The following KCNK10 variants were observed in gnomAD, a reference collection of about 807,000 sequenced individuals.
KCNK10 encodes the protein potassium channel subfamily K member 10.
In KCNK10, 25 loss-of-function variants were observed where a neutral mutation model predicts 47.7. The observed-to-expected ratio is 0.52, with a 90% CI of 0.38 to 0.73. The LOEUF (loss-of-function observed/expected upper bound fraction) is 0.73, where lower values mean the gene tolerates loss of function less well. KCNK10 is among the 30% of genes least tolerant of loss of function. The probability of loss-of-function intolerance (pLI) is 0.00; values close to 1 mark genes in which losing one functional copy is unlikely to be tolerated. For missense variants in KCNK10, 563 were observed against 714.5 expected (o/e 0.79, Z 2.42); for synonymous variants, 303 against 285.6 (o/e 1.06, Z -0.61).
At chr14:88,325,873 T>G (rs10130603), upstream of KCNK10, among the ~76,000 whole-genome samples, 25,695 of 151,490 alleles carry the variant, frequency 0.17, 2,747 homozygotes, top group African/African-American at 0.3. Context: ...AGGTCCCCAT[T>G]AAAAGTTATT....
intron 3 of KCNK10, among the ~76,000 whole-genome samples, chr14:88,240,184 A>C (rs57391351): frequency 6.6e-6 from 1 of 152,094 alleles, no homozygotes; most frequent in Non-Finnish European, 1.5e-5. Flanking sequence ...CCACAATGGA[A>C]AGTCAAAAAA....
chr14:88,279,171 C>T (rs1298689005), intron 1 of KCNK10, among the ~76,000 whole-genome samples: 1 of 152,156 alleles, frequency 6.6e-6, no homozygotes, highest in Non-Finnish European at 1.5e-5. Context: ...ATCAAACCAG[C>T]ATTTGATGAG....
At chr14:88,189,260 C>T (rs1009588440) in intron 5 of KCNK10, among the ~76,000 whole-genome samples, 7 of 152,210 alleles carry the variant, frequency 4.6e-5, no homozygotes, top group Non-Finnish European at 8.8e-5. Context: ...ACAGCTGCTG[C>T]CACTTCTTAA....
chr14:88,264,745 C>T (rs1887208397), intron 1 of KCNK10, among the ~76,000 whole-genome samples: 2 of 152,280 alleles, frequency 1.3e-5, no homozygotes, highest in South Asian at 2.1e-4. Context: ...TGTTAAATTT[C>T]CCTCAGATTT....
chr14:88,282,289 T>C (rs1887667552), intron 1 of KCNK10, among the ~76,000 whole-genome samples: 1 of 152,232 alleles, frequency 6.6e-6, no homozygotes, highest in Non-Finnish European at 1.5e-5. Context: ...AAGCCCAGCA[T>C]GCATCCAGCT....
chr14:88,323,323 G>A, upstream of KCNK10: 6 of 982,358 alleles, frequency 6.1e-6, no homozygotes, highest in Non-Finnish European at 7.3e-6. Context: ...CCCCACCCCG[G>A]CCGCGGCTCC....
chr14:88,217,721 A>T (rs1394293050), intron 4 of KCNK10, among the ~76,000 whole-genome samples: 1 of 130,936 alleles, frequency 7.6e-6, no homozygotes, highest in Non-Finnish European at 1.6e-5. Flanking sequence ...CACCCAAGTA[A>T]TTTGAATCTT....
chr14:88,310,387 C>T (rs1214451349), intron 1 of KCNK10, among the ~76,000 whole-genome samples: 2 of 151,918 alleles, frequency 1.3e-5, no homozygotes, highest in African/African-American at 4.8e-5. Context: ...CAGGCACTCA[C>T]TCGCTAAGTG....
At position 88,186,285 on chromosome 14, in the gene KCNK10, T is replaced by A; in HGVS notation, c.1012-130A>T. On this transcript the variant is annotated intron_variant, in intron 6 of 6. Coordinates refer to ENST00000319231, the MANE Select transcript of KCNK10 (RefSeq NM_138317.3). This position sits in a 1 kb window ranked among gnomAD's most constrained non-coding sequence, Gnocchi z 5.5. ...GACGGAGCACATGCCCAGGGGGAGG[T>A]GCAAATGCTACCTTCTGCCCTAGTA... The A allele has an allele frequency of 9.0e-7, 1 of 1,110,386 alleles. No individual in the cohort carries two copies. Among genetic ancestry groups the A allele is most frequent in the Non-Finnish European group, 1.2e-6 (1 of 801,644 alleles). 68.8% of individuals were successfully genotyped at this position (1,110,386 alleles called of 1,614,324 possible).
chr14:88,239,207 A>G (rs368871438), intron 3 of KCNK10, among the ~76,000 whole-genome samples: 2 of 87,312 alleles, frequency 2.3e-5, no homozygotes, highest in Admixed American at 9.7e-5. Context: ...AAATTTGTTT[A>G]AAAAAAAAAA....
At chr14:88,271,041 A>G (rs1460188789) in intron 1 of KCNK10, 8 of 506,274 alleles carry the variant, frequency 1.6e-5, no homozygotes, top group Non-Finnish European at 2.8e-5. Context: ...CCTGTCCCAG[A>G]GAAACAGGTC....
rs1450721038 is a variant in KCNK10 at position 88,227,524 on chromosome 14, T to C, written c.532A>G (p.Ile178Val). Residue 178 changes from isoleucine to valine, a missense_variant, in exon 4 of 7, where the codon ATT becomes GTT. Ile to Val is a conservative substitution (Grantham distance 29, BLOSUM62 3). Coordinates refer to ENST00000319231, the MANE Select transcript of KCNK10 (RefSeq NM_138317.3). Reference protein sequence around the residue: ...TVITTIGYGNIAPSTEGGKIF... With the variant: ...TVITTIGYGNVAPSTEGGKIF... ...TTGCCTCCTTCAGTGCTCGGAGCAA[T>C]ATTCCCATACCCTGGTGAGAAATAT... 6.2e-7 allele frequency: 1 copy of C among 1,607,638 alleles called. No individual in the cohort carries two copies. Among genetic ancestry groups the C allele is most frequent in the Non-Finnish European group, 8.5e-7 (1 of 1,177,738 alleles).
rs552900286 is a variant in KCNK10, at chr14:88,204,578, C to T, written c.682-12168G>A. Reference sequence around the variant, plus strand: ...TCAGGGACCCCACCCCCCGCCATTTCCCCCAACTCCCCCCTACCCCCGCTG... The same window carrying T: ...TCAGGGACCCCACCCCCCGCCATTTTCCCCAACTCCCCCCTACCCCCGCTG... On this transcript the variant is annotated intron_variant, in intron 4 of 6. Coordinates refer to ENST00000319231, the MANE Select transcript of KCNK10 (RefSeq NM_138317.3). Among the ~76,000 whole-genome samples, 51 of 89,876 alleles carry T rather than the reference C, an allele frequency of 5.7e-4. No individual in the cohort carries two copies. In the South Asian group the frequency reaches 0.02, roughly 35 times the overall value. 59.0% of individuals were successfully genotyped at this position (89,876 alleles called of 152,430 possible). A position where few individuals can be genotyped will look rare whatever the true frequency, so the allele number is the denominator to read the frequency against.
intron 4 of KCNK10, among the ~76,000 whole-genome samples, chr14:88,197,571 C>CAAA (rs1566681344): frequency 6.0e-5 from 1 of 16,780 alleles, no homozygotes; most frequent in Non-Finnish European, 1.2e-4. Flanking sequence ...GAGACTCCGA[C>CAAA]TAAAAAAAAA....
At chr14:88,249,323 T>C (rs1886729313) in intron 2 of KCNK10, among the ~76,000 whole-genome samples, 2 of 152,174 alleles carry the variant, frequency 1.3e-5, no homozygotes, top group African/African-American at 4.8e-5. Context: ...TGATAACCCA[T>C]GGACATTGGT....
chr14:88,199,594 G>A (rs534402854), intron 4 of KCNK10, among the ~76,000 whole-genome samples: 4 of 152,222 alleles, frequency 2.6e-5, no homozygotes, highest in Admixed American at 6.5e-5. Context: ...CCCTTGCCTC[G>A]CTGGCTCCTC....
intron 4 of KCNK10, among the ~76,000 whole-genome samples, chr14:88,220,604 G>A (rs1338972567): frequency 2.8e-5 from 4 of 143,042 alleles, no homozygotes; most frequent in African/African-American, 2.6e-5. Flanking sequence ...ACAACATGGA[G>A]AAAAAAAAAA....
chr14:88,229,642 A>T (rs1013364224), intron 3 of KCNK10, among the ~76,000 whole-genome samples: 4 of 152,210 alleles, frequency 2.6e-5, no homozygotes, highest in Admixed American at 2.0e-4. Flanking sequence ...TTGGTGACAC[A>T]CTGCCCAGTG....
rs1412083685 is a variant in KCNK10, at chr14:88,180,586, CTATT to C, written c.*4945_*4948del. 2.5e-6 allele frequency: 1 copy of C among 393,206 alleles called. No homozygotes were observed. The highest frequency in any genetic ancestry group is 4.5e-6 in the Non-Finnish European group (1 of 223,156). 24.4% of individuals were successfully genotyped at this position (393,206 alleles called of 1,614,324 possible). ...ATAATTTATTTTAATGCACAGGGAA[CTATT>C]TCAGATTTTTCACCTAAGAATCAAG... On this transcript the variant is annotated 3_prime_UTR_variant, in exon 7 of 7. Transcript: ENST00000319231.
Sources: gnomAD v4.1 joint callset for allele counts (sites outside exome capture counted in the v4.1 genomes callset) on GRCh38, gnomAD v4.1.1 for gene constraint, Gnocchi (gnomAD v3.1) non-coding constraint, MANE v1.5 for transcripts, NCBI Gene and HGNC (gene_info 2026-07-23, HGNC 2026-07-21) for gene names.